The following NMT2 variants were observed in gnomAD, a reference collection of about 807,000 sequenced individuals.
NMT2 encodes N-myristoyltransferase 2, also known as glycylpeptide N-tetradecanoyltransferase 2.
In NMT2, 35 loss-of-function variants were observed where a neutral mutation model predicts 65.4. That is an observed-to-expected ratio of 0.54 (90% CI 0.41 to 0.71). The LOEUF (loss-of-function observed/expected upper bound fraction) is 0.71. Among genes scored for constraint, NMT2 ranks in the 30% least tolerant of loss-of-function variants. The pLI is 0.00. For synonymous variants in NMT2, 226 were observed against 231.8 expected, an observed-to-expected ratio of 0.98 and a Z score of 0.23; for missense variants, 489 against 611.3, an observed-to-expected ratio of 0.80 and a Z score of 2.11.
intron 1 of NMT2, among the ~76,000 whole-genome samples, chr10:15,158,102 G>A (rs1480563603): frequency 6.6e-6 from 1 of 152,086 alleles, no homozygotes; most frequent in Non-Finnish European, 1.5e-5. Context: ...GATCACTTGA[G>A]GTCAGGAGTT....
chr10:15,157,472 C>G (rs547436144), intron 1 of NMT2, among the ~76,000 whole-genome samples: 2 of 152,274 alleles, frequency 1.3e-5, no homozygotes, highest in Admixed American at 1.3e-4. Context: ...CATGTCACTT[C>G]TCACAGGAAC....
At chr10:15,158,131 C>G (rs1833062496) in intron 1 of NMT2, among the ~76,000 whole-genome samples, 1 of 152,060 alleles carries the variant, frequency 6.6e-6, no homozygotes. Context: ...TCCTGGCCAA[C>G]ATGGCAAAAA....
At chr10:15,111,509 C>CAAAAA (rs58537120) in intron 10 of NMT2, among the ~76,000 whole-genome samples, 5 of 52,790 alleles carry the variant, frequency 9.5e-5, no homozygotes, top group South Asian at 7.1e-4. Context: ...AGACTCATCT[C>CAAAAA]AAAAAAAAAA....
rs546085262 is a variant in NMT2 at position 15,141,754 on chromosome 10, G to A, written c.111-197C>T. ...GCAATGCAGAAGAATACCAGCCCCC[G>A]CTCAGTCATCCTGCAGGTGCTTAGA... is the stretch of plus-strand genomic sequence containing the variant. On this transcript the variant is annotated intron_variant, in intron 1 of 11. Coordinates refer to ENST00000378165, the MANE Select transcript of NMT2 (RefSeq NM_004808.3). Among the ~76,000 whole-genome samples the A allele has an allele frequency of 1.1e-4, 16 of 152,296 alleles. No homozygotes were observed. In the East Asian group the frequency reaches 2.3e-3, roughly 22 times the overall value.
intron 6 of NMT2, 106 bp from the exon 7 acceptor site, chr10:15,130,418 G>C: frequency 1.1e-6 from 1 of 900,114 alleles, no homozygotes. Context: ...CCAAGAATAA[G>C]AATGCAGGCT....
intron 1 of NMT2, among the ~76,000 whole-genome samples, chr10:15,154,055 A>G (rs1832904770): frequency 6.6e-6 from 1 of 152,224 alleles, no homozygotes; most frequent in African/African-American, 2.4e-5. Flanking sequence ...TTTCGTGAAA[A>G]GGTCTCTGCA....
At chr10:15,150,109 G>C (rs1482020990) in intron 1 of NMT2, among the ~76,000 whole-genome samples, 1 of 152,130 alleles carries the variant, frequency 6.6e-6, no homozygotes, top group Non-Finnish European at 1.5e-5. Context: ...ATGAGGTTTT[G>C]GTACAGTTGA....
chr10:15,121,932 C>T (rs1845943082), intron 8 of NMT2, among the ~76,000 whole-genome samples: 1 of 152,194 alleles, frequency 6.6e-6, no homozygotes, highest in Non-Finnish European at 1.5e-5. Context: ...AAGTCCTTCA[C>T]ATTTAACAGG....
rs1028597355 is a variant in NMT2, at chr10:15,132,900, C to A, written c.636G>T (p.Trp212Cys). Residue 212 changes from tryptophan to cysteine, a missense_variant, in exon 6 of 12, where the codon TGG (tryptophan) becomes TGT (cysteine). Physicochemically the swap from Trp to Cys is radical, Grantham distance 215. Transcript: ENST00000378165. ...ALRPPGWLLQ[W>C]HCGVRVSSNK... ...TTGAAGACACTCTGACCCCACAGTG[C>A]CACTGCAGGAGCCAGCCTGGTGGAC... 6.2e-6 allele frequency: 10 copies of A among 1,613,432 alleles called. No homozygotes were observed. In the African/African-American group the frequency reaches 1.2e-4, roughly 19 times the overall value.
chr10:15,108,605 A>G lies in NMT2; in HGVS notation c.*590T>C, dbSNP rs1845398527. On this transcript the variant is annotated 3_prime_UTR_variant, in exon 12 of 12. Coordinates refer to ENST00000378165, the MANE Select transcript of NMT2 (RefSeq NM_004808.3). ...GTTTATTGATTCGGCAACTCTGCTT[A>G]TGGAGAAATACATGTACTAGTCACC... 4 of 986,016 alleles carry G rather than the reference A, an allele frequency of 4.1e-6. No homozygotes were observed. Among genetic ancestry groups the G allele is most frequent in the Non-Finnish European group, 4.8e-6 (4 of 830,406 alleles). 61.1% of individuals were successfully genotyped at this position (986,016 alleles called of 1,614,324 possible). A position where few individuals can be genotyped will look rare whatever the true frequency, so the allele number is the denominator to read the frequency against.
intron 1 of NMT2, among the ~76,000 whole-genome samples, chr10:15,157,855 A>G (rs1833053051): frequency 6.6e-6 from 1 of 152,224 alleles, no homozygotes; most frequent in South Asian, 2.1e-4. Flanking sequence ...GACATTATCA[A>G]ATTACTCTTA....
intron 8 of NMT2, 116 bp from the exon 9 acceptor site, chr10:15,119,629 T>A: frequency 1.3e-6 from 1 of 772,784 alleles, no homozygotes; most frequent in Non-Finnish European, 2.2e-6. Flanking sequence ...CGGGAGCTAG[T>A]TAGAGCTGCA....
Position 15,106,674 on chromosome 10 carries a change from G to A in NMT2, c.*2521C>T, listed in dbSNP as rs1463519327. On this transcript the variant is annotated 3_prime_UTR_variant, in exon 12 of 12. Transcript: ENST00000378165. ...TAGAAAGGAGAGTTCCAACTCCTTC[G>A]TAGTGACCAAGGTCAACAAACTTTC... 3.0e-6 allele frequency: 3 copies of A among 984,832 alleles called. No homozygotes were observed. The highest frequency in any genetic ancestry group is 3.6e-6 in the Non-Finnish European group (3 of 829,384). 61.0% of individuals were successfully genotyped at this position (984,832 alleles called of 1,614,324 possible).
intron 10 of NMT2, 52 bp from the exon 11 acceptor site, chr10:15,109,891 G>C (rs1475711634): frequency 7.0e-7 from 1 of 1,424,436 alleles, no homozygotes; most frequent in African/African-American, 1.4e-5. Flanking sequence ...AGTGTTTTCT[G>C]TATTACATAT....
intron 1 of NMT2, among the ~76,000 whole-genome samples, chr10:15,161,338 G>A (rs1833191661): frequency 6.6e-6 from 1 of 151,858 alleles, no homozygotes; most frequent in South Asian, 2.1e-4. Context: ...GAAAAAGACA[G>A]GATGTGTTTT....
intron 1 of NMT2, among the ~76,000 whole-genome samples, chr10:15,148,740 C>T (rs568283432): frequency 6.2e-4 from 94 of 151,684 alleles, no homozygotes; most frequent in Non-Finnish European, 1.0e-3. Flanking sequence ...TTCCTAGCAC[C>T]GAAAATAGTG....
At chr10:15,118,135 A>G (rs978027323) in intron 9 of NMT2, among the ~76,000 whole-genome samples, 2 of 152,256 alleles carry the variant, frequency 1.3e-5, no homozygotes, top group African/African-American at 4.8e-5. Flanking sequence ...CGCTATAGCA[A>G]CGAGGTCAGT....
At chr10:15,118,585 C>T (rs564274367) in intron 9 of NMT2, among the ~76,000 whole-genome samples, 4 of 142,898 alleles carry the variant, frequency 2.8e-5, no homozygotes, top group African/African-American at 8.0e-5. Context: ...AAGACAACTA[C>T]GGTCAAAAAA....
intron 1 of NMT2, among the ~76,000 whole-genome samples, chr10:15,160,647 G>C (rs183692137): frequency 1.1e-3 from 169 of 152,096 alleles, no homozygotes; most frequent in South Asian, 8.1e-3. Context: ...GGTAGTGTGC[G>C]TCTATAATCC....
Sources: allele counts gnomAD v4.1 joint callset (sites outside exome capture counted in the v4.1 genomes callset), GRCh38; gene constraint gnomAD v4.1.1; transcripts MANE v1.5; gene names NCBI Gene and HGNC (gene_info 2026-07-23, HGNC 2026-07-21).